The following SUPT3H variants were observed in gnomAD, a reference collection of about 807,000 sequenced individuals.
The protein encoded by SUPT3H is transcription initiation protein SPT3 homolog.
A neutral mutation model predicts 44.3 loss-of-function variants in SUPT3H; 44 were observed. The ratio of observed to expected loss-of-function variants is 0.99; its 90% confidence interval spans 0.78 to 1.28. The LOEUF (loss-of-function observed/expected upper bound fraction) is 1.28, where lower values mean the gene tolerates loss of function less well. SUPT3H is among the 50% of genes most tolerant of loss of function. SUPT3H has a pLI of 0.00. For missense variants in SUPT3H, 380 were observed against 387.1 expected (o/e 0.98, Z 0.15); for synonymous variants, 124 against 125.6 (o/e 0.99, Z 0.09).
At chr6:45,302,467 CAT>C (rs57394324) in intron 2 of SUPT3H, among the ~76,000 whole-genome samples, 2,628 of 131,190 alleles carry the variant, frequency 0.02, 49 homozygotes, top group Middle Eastern at 0.044. Flanking sequence ...TCCATATATA[CAT>C]ATATATATAT....
intron 3 of SUPT3H, among the ~76,000 whole-genome samples, chr6:45,044,361 T>G (rs2153531953): frequency 6.6e-6 from 1 of 152,328 alleles, no homozygotes; most frequent in South Asian, 2.1e-4. Context: ...CAGCTCAGGT[T>G]TCATATCCTC....
At chr6:45,184,147 C>T (rs899468676) in intron 2 of SUPT3H, among the ~76,000 whole-genome samples, 1 of 152,054 alleles carries the variant, frequency 6.6e-6, no homozygotes, top group African/African-American at 2.4e-5. Context: ...ACTTCCTTTA[C>T]ATTTTTCTGT....
intron 9 of SUPT3H, among the ~76,000 whole-genome samples, chr6:44,933,209 T>C (rs1365724643): frequency 6.6e-6 from 1 of 152,224 alleles, no homozygotes; most frequent in African/African-American, 2.4e-5. Flanking sequence ...TGTTAAATTA[T>C]GATACATTTA....
Position 44,930,996 on chromosome 6 carries a change from T to TAC in SUPT3H, c.912+1655_912+1656dup, listed in dbSNP as rs548381767. On this transcript the variant is annotated intron_variant, in intron 10 of 10. Transcript: ENST00000371459. ...CAGGTTGGACATGGGGGAAAAGATATACACACACACATGTATGTAAATAGT... is the reference window on the plus strand; with the variant it reads ...CAGGTTGGACATGGGGGAAAAGATATACACACACACACATGTATGTAAATAGT... 3.1e-3 allele frequency among the ~76,000 whole-genome samples: 476 copies of TAC among 152,272 alleles called. 6 individuals are homozygous for TAC. The highest frequency in any genetic ancestry group is 5.4e-3 in the South Asian group (26 of 4,822).
intron 9 of SUPT3H, among the ~76,000 whole-genome samples, chr6:44,936,603 TTC>T (rs1480589574): frequency 1.3e-5 from 2 of 152,174 alleles, no homozygotes; most frequent in African/African-American, 4.8e-5. Context: ...GACTTTCTGT[TTC>T]TGAGCTGTTT....
chr6:45,361,587 A>C (rs1181828074), intron 2 of SUPT3H: 3 of 152,192 alleles, frequency 2.0e-5, no homozygotes, highest in Non-Finnish European at 4.4e-5. Context: ...GCTTGAGTTC[A>C]ATAACCTAAA....
At chr6:45,224,797 AAGAT>A (rs1040294211) in intron 2 of SUPT3H, among the ~76,000 whole-genome samples, 10 of 151,668 alleles carry the variant, frequency 6.6e-5, no homozygotes, top group African/African-American at 9.7e-5. Context: ...AAAAGAAAGA[AAGAT>A]AGAAAGAAAA....
Position 44,829,727 on chromosome 6 carries a change from G to A in SUPT3H, c.*89C>T. ...AGCCCACTCCCTCAGATAAAAGAAA[G>A]GTAAATTTGTATTTTATTTTGTTCA... On this transcript the variant is annotated 3_prime_UTR_variant, in exon 11 of 11. Coordinates refer to ENST00000371459, the MANE Select transcript of SUPT3H (RefSeq NM_003599.4). 2.0e-6 allele frequency: 3 copies of A among 1,466,968 alleles called. No individual in the cohort carries two copies. The highest frequency in any genetic ancestry group is 4.6e-5 in the East Asian group (2 of 43,780). 90.9% of individuals were successfully genotyped at this position (1,466,968 alleles called of 1,614,324 possible). A position where few individuals can be genotyped will look rare whatever the true frequency, so the allele number is the denominator to read the frequency against.
intron 10 of SUPT3H, among the ~76,000 whole-genome samples, chr6:44,902,878 A>G (rs1765330690): frequency 6.6e-6 from 1 of 152,196 alleles, no homozygotes; most frequent in Non-Finnish European, 1.5e-5. Context: ...TAAGAAACTC[A>G]CTCAGAACTG....
At chr6:45,012,377 TAA>T (rs1188850422) in intron 5 of SUPT3H, among the ~76,000 whole-genome samples, 3 of 152,028 alleles carry the variant, frequency 2.0e-5, no homozygotes, top group Non-Finnish European at 4.4e-5. Context: ...CTTCAGATTG[TAA>T]ACTCTTTAAT....
intron 10 of SUPT3H, among the ~76,000 whole-genome samples, chr6:44,906,125 T>C (rs1263168366): frequency 2.6e-5 from 4 of 152,192 alleles, no homozygotes; most frequent in Non-Finnish European, 4.4e-5. Context: ...TATACATATG[T>C]AACTAACCTG....
At chr6:45,176,250 T>G (rs1170288815) in intron 2 of SUPT3H, among the ~76,000 whole-genome samples, 2 of 151,816 alleles carry the variant, frequency 1.3e-5, no homozygotes, top group Admixed American at 1.3e-4. Context: ...GGGCGAGGCA[T>G]TGCCTCACCT....
At chr6:45,149,867 T>G (rs1470825973) in intron 2 of SUPT3H, among the ~76,000 whole-genome samples, 2 of 152,326 alleles carry the variant, frequency 1.3e-5, no homozygotes, top group Admixed American at 1.3e-4. Flanking sequence ...AGTGATGGCT[T>G]CAGCATCACT....
At chr6:45,302,896 T>C (rs2149936528) in intron 2 of SUPT3H, among the ~76,000 whole-genome samples, 1 of 152,240 alleles carries the variant, frequency 6.6e-6, no homozygotes, top group Admixed American at 6.5e-5. Context: ...AGGAGTATAG[T>C]GGTATTGCAT....
intron 2 of SUPT3H, among the ~76,000 whole-genome samples, chr6:45,331,104 GGTGTGTGTGTGT>G (rs143223149): frequency 6.7e-6 from 1 of 149,606 alleles, no homozygotes; most frequent in Non-Finnish European, 1.5e-5. Flanking sequence ...TACAATGAGT[GGTGTGTGTGTGT>G]GTGTGTGTGT....
chr6:45,363,101 G>A (rs532820952), intron 2 of SUPT3H, among the ~76,000 whole-genome samples: 1 of 152,004 alleles, frequency 6.6e-6, no homozygotes, highest in African/African-American at 2.4e-5. Context: ...TTCTGTAAAA[G>A]ACCATATAGT....
chr6:45,373,486 G>T (rs552341824), intron 1 of SUPT3H, among the ~76,000 whole-genome samples: 1 of 152,070 alleles, frequency 6.6e-6, no homozygotes, highest in Non-Finnish European at 1.5e-5. Flanking sequence ...GTTGTTTTCC[G>T]TAGAAAATAT....
intron 2 of SUPT3H, among the ~76,000 whole-genome samples, chr6:45,139,979 A>G (rs1029398599): frequency 5.9e-5 from 9 of 152,144 alleles, no homozygotes; most frequent in African/African-American, 9.7e-5. Flanking sequence ...GGGAGGGTTG[A>G]GGCCTGAAAG....
Position 44,863,692 on chromosome 6 carries a change from T to C in SUPT3H, c.913-33835A>G, listed in dbSNP as rs73735231. Reference sequence around the variant, plus strand: ...GGGGCCAGATCATGTGGGGCTGTATTTTCATGCTGCTGATAAAGACATACT... The same window carrying C: ...GGGGCCAGATCATGTGGGGCTGTATCTTCATGCTGCTGATAAAGACATACT... On this transcript the variant is annotated intron_variant, in intron 10 of 10. Transcript: ENST00000371459. Among the ~76,000 whole-genome samples the C allele has an allele frequency of 4.7e-3, 708 of 152,082 alleles. 11 individuals carry two copies. Among genetic ancestry groups the C allele is most frequent in the African/African-American group, 0.016 (677 of 41,460 alleles).
Sources: gnomAD v4.1 joint callset for allele counts (sites outside exome capture counted in the v4.1 genomes callset) on GRCh38, gnomAD v4.1.1 for gene constraint, MANE v1.5 for transcripts, NCBI Gene and HGNC (gene_info 2026-07-23, HGNC 2026-07-21) for gene names.